Variants in PCDH11X observed in about 807,000 individuals in gnomAD.
PCDH11X encodes protocadherin 11 X-linked.
In PCDH11X, 18 loss-of-function variants were observed where a neutral mutation model predicts 53.3. The ratio of observed to expected loss-of-function variants is 0.34; its 90% CI spans 0.23 to 0.50. The LOEUF (loss-of-function observed/expected upper bound fraction) is 0.50, where lower values mean the gene tolerates loss of function less well. PCDH11X is among the 20% of genes least tolerant of loss of function. The pLI is 0.98. For synonymous variants in PCDH11X, 279 were observed against 393.3 expected, an observed-to-expected ratio of 0.71 and a Z score of 3.44; for missense variants, 570 against 1,032.4, an observed-to-expected ratio of 0.55 and a Z score of 6.14.
chrX:91,792,048 A>C (rs1935571312), intron 1 of PCDH11X, among the ~76,000 whole-genome samples: 1 of 108,279 alleles, frequency 9.2e-6, no homozygotes, highest in Non-Finnish European at 1.9e-5. Context: ...TTTTTAGTAG[A>C]GAGGGGGTTT....
At chrX:92,202,696 G>T (rs1183971677) in intron 7 of PCDH11X, among the ~76,000 whole-genome samples, 3 of 111,114 alleles carry the variant, frequency 2.7e-5, no homozygotes, top group African/African-American at 9.9e-5. Context: ...ATTCTAATTT[G>T]TTTTCCTAGT....
At position 92,017,524 on chromosome X, in the gene PCDH11X, C is replaced by T. The variant is rs1378281284; in HGVS notation, c.3033+138251C>T. ...GTCCAGACTGGGCAACATGGCAAAACCTTGTCTCTATAAAAAAAAAAAAAT... is the reference window on the plus strand; with the variant it reads ...GTCCAGACTGGGCAACATGGCAAAATCTTGTCTCTATAAAAAAAAAAAAAT... On this transcript the variant is annotated intron_variant, in intron 6 of 10. Coordinates refer to ENST00000682573, the MANE Select transcript of PCDH11X (RefSeq NM_032968.5). 4.0e-4 allele frequency among the ~76,000 whole-genome samples: 27 copies of T among 66,975 alleles called. 1 individual carries two copies. The highest frequency in any genetic ancestry group is 5.4e-4 in the Non-Finnish European group (21 of 39,035). 58.2% of individuals were successfully genotyped at this position (66,975 alleles called of 115,157 possible). A position where few individuals can be genotyped will look rare whatever the true frequency, so the allele number is the denominator to read the frequency against.
chrX:91,846,545 G>A (rs113301538), intron 5 of PCDH11X, among the ~76,000 whole-genome samples: 2,103 of 108,427 alleles, frequency 0.019, 53 homozygotes, highest in African/African-American at 0.067. Context: ...GTGAACCCGG[G>A]AGGCGGAGCT....
chrX:91,935,385 A>G (rs2061433281), intron 6 of PCDH11X, among the ~76,000 whole-genome samples: 1 of 109,158 alleles, frequency 9.2e-6, no homozygotes, highest in African/African-American at 3.3e-5. Context: ...TTACACTTAT[A>G]TTTCCCAGCT....
intron 5 of PCDH11X, among the ~76,000 whole-genome samples, chrX:91,846,381 G>T (rs1937653912): frequency 1.8e-5 from 2 of 110,819 alleles, no homozygotes; most frequent in Non-Finnish European, 1.9e-5. Context: ...ACTTTCGGAG[G>T]CCGTGGCGGG....
At chrX:92,091,643 A>G (rs987943688) in intron 6 of PCDH11X, among the ~76,000 whole-genome samples, 1 of 111,199 alleles carries the variant, frequency 9.0e-6, no homozygotes, top group African/African-American at 3.3e-5. Context: ...GGACAACTCA[A>G]AGTGGGGGCT....
At chrX:92,055,525 G>T (rs2063435999) in intron 6 of PCDH11X, among the ~76,000 whole-genome samples, 1 of 104,305 alleles carries the variant, frequency 9.6e-6, no homozygotes, top group African/African-American at 3.5e-5. Context: ...CATGTGTTTG[G>T]GGCTTTACAT....
chrX:92,331,024 C>T lies in PCDH11X; in HGVS notation c.3145-56711C>T, dbSNP rs974698035. On this transcript the variant is annotated intron_variant, in intron 8 of 10. Transcript: ENST00000682573. ...TAGTGGTTTCATGAGTGTATACATA[C>T]TTCAAAACATATGTTGTGCATTTTA... is the stretch of plus-strand genomic sequence containing the variant. Among the ~76,000 whole-genome samples the T allele has an allele frequency of 6.0e-5, 6 of 99,655 alleles. No individual in the cohort carries two copies. The Admixed American group carries it at 6.7e-4, about 11-fold the overall frequency. 86.5% of individuals were successfully genotyped at this position (99,655 alleles called of 115,157 possible). A position where few individuals can be genotyped will look rare whatever the true frequency, so the allele number is the denominator to read the frequency against.
chrX:91,961,564 GC>G (rs2061788169), intron 6 of PCDH11X, among the ~76,000 whole-genome samples: 1 of 107,160 alleles, frequency 9.3e-6, no homozygotes, highest in African/African-American at 3.5e-5. Flanking sequence ...TAAAAACTCT[GC>G]CAAAAAAAAA....
chrX:92,292,019 T>G (rs1393316870), intron 8 of PCDH11X, among the ~76,000 whole-genome samples: 6 of 111,997 alleles, frequency 5.4e-5, no homozygotes, highest in African/African-American at 1.9e-4. Context: ...AATGCATCAC[T>G]TTGGTTGTTA....
At chrX:92,615,384 G>A (rs1276217891) in intron 10 of PCDH11X, among the ~76,000 whole-genome samples, 2 of 111,612 alleles carry the variant, frequency 1.8e-5, no homozygotes, top group Non-Finnish European at 3.8e-5. Flanking sequence ...AATCTCAAGG[G>A]GAGCATGCTG....
intron 6 of PCDH11X, among the ~76,000 whole-genome samples, chrX:92,105,664 T>G (rs1602937971): frequency 7.6e-5 from 6 of 79,065 alleles, no homozygotes; most frequent in African/African-American, 9.9e-5. Flanking sequence ...TGGGCAGGAG[T>G]GGGGGTCGCA....
intron 5 of PCDH11X, among the ~76,000 whole-genome samples, chrX:91,869,914 C>G (rs183660184): frequency 2.5e-4 from 28 of 111,495 alleles, no homozygotes; most frequent in African/African-American, 8.8e-4. Context: ...GCAAATGAAA[C>G]AAGTAAAAAA....
chrX:92,550,107 C>T (rs1309758443), intron 10 of PCDH11X, among the ~76,000 whole-genome samples: 1 of 110,737 alleles, frequency 9.0e-6, no homozygotes, highest in Non-Finnish European at 1.9e-5. Flanking sequence ...CTTCTCCCTA[C>T]GCTTTGTAGC....
intron 7 of PCDH11X, among the ~76,000 whole-genome samples, chrX:92,203,377 G>A (rs1273216020): frequency 1.8e-5 from 2 of 112,411 alleles, no homozygotes; most frequent in Admixed American, 9.4e-5. Flanking sequence ...GTTAATTTAC[G>A]CTGTTTGCAA....
chrX:92,366,168 G>A (rs190335193), intron 8 of PCDH11X, among the ~76,000 whole-genome samples: 60 of 111,610 alleles, frequency 5.4e-4, no homozygotes, highest in East Asian at 3.4e-3. Context: ...TTCAGAACTC[G>A]TTGTTGGTCT....
chrX:92,139,981 C>CTT (rs564798316), intron 6 of PCDH11X, among the ~76,000 whole-genome samples: 1 of 100,571 alleles, frequency 9.9e-6, no homozygotes. Context: ...TCTATTCTTC[C>CTT]TTTTTTTTTT....
intron 7 of PCDH11X, among the ~76,000 whole-genome samples, chrX:92,211,771 A>G (rs1418734072): frequency 2.7e-5 from 3 of 111,840 alleles, no homozygotes; most frequent in Non-Finnish European, 5.6e-5. Flanking sequence ...AATTTATGAC[A>G]GAATGAGTCA....
chrX:92,314,704 A>G (rs187710525), intron 8 of PCDH11X, among the ~76,000 whole-genome samples: 2 of 110,327 alleles, frequency 1.8e-5, no homozygotes, highest in Non-Finnish European at 3.8e-5. Context: ...TTATAATCTT[A>G]TGGAACCACA....
Sources: allele counts gnomAD v4.1 joint callset (sites outside exome capture counted in the v4.1 genomes callset), GRCh38; gene constraint gnomAD v4.1.1; transcripts MANE v1.5; gene names NCBI Gene and HGNC (gene_info 2026-07-23, HGNC 2026-07-21).